The following TENM3 variants were observed in gnomAD, a reference collection of about 807,000 sequenced individuals.
The protein encoded by TENM3 is teneurin transmembrane protein 3, also known as teneurin-3.
TENM3 carries 63 observed loss-of-function variants against 255.1 expected under a neutral mutation model. That is an observed-to-expected ratio of 0.25 (90% CI 0.20 to 0.30). The LOEUF is 0.30. Among genes scored for constraint, TENM3 ranks in the 10% least tolerant of loss-of-function variants. The pLI is 1.00. For synonymous variants in TENM3, 1,306 were observed against 1,322.3 expected (o/e 0.99, Z 0.27); for missense variants, 2,929 against 3,461.1 (o/e 0.85, Z 3.86).
chr4:181,522,602 T>G, the TENM3 span: 1 of 470,206 alleles, frequency 2.1e-6, no homozygotes, highest in African/African-American at 2.0e-5. Flanking sequence ...GATAGACAAA[T>G]CCAGCATCTA....
chr4:181,648,705 C>T, the TENM3 span, among the ~76,000 whole-genome samples: 2 of 152,256 alleles, frequency 1.3e-5, no homozygotes, highest in South Asian at 4.2e-4. Flanking sequence ...GTACTAGCCA[C>T]CCAAGAGAAT....
intron 3 of TENM3, among the ~76,000 whole-genome samples, chr4:182,544,568 T>C (rs1340008093): frequency 1.3e-5 from 2 of 151,914 alleles, no homozygotes; most frequent in African/African-American, 4.8e-5. Context: ...TGACCTCAGG[T>C]GAGGATTACA....
chr4:181,781,701 T>G, the TENM3 span, among the ~76,000 whole-genome samples: 1 of 152,206 alleles, frequency 6.6e-6, no homozygotes, highest in Non-Finnish European at 1.5e-5. Context: ...TGTGCCAGTT[T>G]TCAAAGGGAC....
the TENM3 span, among the ~76,000 whole-genome samples, chr4:181,618,702 G>C: frequency 6.6e-6 from 1 of 152,200 alleles, no homozygotes; most frequent in Non-Finnish European, 1.5e-5. Flanking sequence ...GTGTAATAAA[G>C]TGGTCTTTGG....
intron 12 of TENM3, among the ~76,000 whole-genome samples, chr4:182,710,247 ACTTT>A (rs1311593201): frequency 2.6e-5 from 4 of 152,284 alleles, no homozygotes; most frequent in South Asian, 2.1e-4. Flanking sequence ...TTTCGATGGC[ACTTT>A]CTTTATGTTC....
intron 1 of TENM3, among the ~76,000 whole-genome samples, chr4:182,170,509 G>A (rs1752035294): frequency 6.6e-6 from 1 of 152,044 alleles, no homozygotes; most frequent in Non-Finnish European, 1.5e-5. Context: ...CCTTTTACTT[G>A]AAATAAATAT....
At chr4:181,762,948 T>C in the TENM3 span, among the ~76,000 whole-genome samples, 4 of 152,236 alleles carry the variant, frequency 2.6e-5, no homozygotes, top group Middle Eastern at 3.4e-3. Context: ...TACATATTTA[T>C]TAGCAATATA....
chr4:182,648,834 T>G (rs1752998698), intron 5 of TENM3, among the ~76,000 whole-genome samples: 1 of 152,184 alleles, frequency 6.6e-6, no homozygotes, highest in African/African-American at 2.4e-5. Context: ...CCCTTTTTTG[T>G]GTGTGACTGC....
the TENM3 span, among the ~76,000 whole-genome samples, chr4:182,022,544 A>T: frequency 1.3e-5 from 2 of 152,044 alleles, no homozygotes; most frequent in Non-Finnish European, 2.9e-5. Flanking sequence ...AAAAAAAAAA[A>T]AAATCCAAAA....
At chr4:182,002,969 AC>A in the TENM3 span, among the ~76,000 whole-genome samples, 1 of 152,040 alleles carries the variant, frequency 6.6e-6, no homozygotes, top group Non-Finnish European at 1.5e-5. Flanking sequence ...ATGCCAACTA[AC>A]TTGTATATAA....
the TENM3 span, among the ~76,000 whole-genome samples, chr4:181,717,642 A>G: frequency 3.3e-5 from 5 of 152,220 alleles, no homozygotes; most frequent in African/African-American, 1.2e-4. Context: ...GAATAGCTGT[A>G]GGGAATAGCA....
At chr4:181,513,100 A>C in the TENM3 span, among the ~76,000 whole-genome samples, 18,446 of 152,184 alleles carry the variant, frequency 0.12, 1,190 homozygotes, top group East Asian at 0.26. Flanking sequence ...GTTTACAAAA[A>C]GTTGTCTATA....
the TENM3 span, among the ~76,000 whole-genome samples, chr4:181,562,325 T>G: frequency 6.6e-6 from 1 of 152,226 alleles, no homozygotes; most frequent in Admixed American, 6.5e-5. Context: ...CATTTTAATT[T>G]CTTTTAATTT....
At chr4:182,655,333 C>T (rs139813214) in intron 6 of TENM3, among the ~76,000 whole-genome samples, 19 of 152,124 alleles carry the variant, frequency 1.2e-4, no homozygotes, top group Non-Finnish European at 2.2e-4. Flanking sequence ...AAGAGACAAA[C>T]GCTTATTATG....
chr4:181,992,422 A>G, the TENM3 span, among the ~76,000 whole-genome samples: 1 of 152,216 alleles, frequency 6.6e-6, no homozygotes, highest in African/African-American at 2.4e-5. Flanking sequence ...AATGCAAATC[A>G]CACTAACAGC....
chr4:182,448,868 AGGCGGCGGT>A (rs1158901216), intron 3 of TENM3: 3 of 191,060 alleles, frequency 1.6e-5, no homozygotes, highest in Admixed American at 6.2e-5. Flanking sequence ...GGCTGGCGGG[AGGCGGCGGT>A]GGCGGCCCGG....
intron 1 of TENM3, among the ~76,000 whole-genome samples, chr4:182,161,906 C>CACACATATATGTGTGTATATAT (rs1561154259): frequency 8.7e-5 from 1 of 11,490 alleles, no homozygotes; most frequent in Non-Finnish European, 1.6e-4. Context: ...TGTATATATA[C>CACACATATATGTGTGTATATAT]ACACACATGT....
At chr4:182,716,772 A>G (rs994160063) in intron 13 of TENM3, among the ~76,000 whole-genome samples, 3 of 152,176 alleles carry the variant, frequency 2.0e-5, no homozygotes, top group African/African-American at 7.2e-5. Context: ...TTAGGACTAG[A>G]CTGGATTTTA....
intron 3 of TENM3, among the ~76,000 whole-genome samples, chr4:182,348,416 T>A (rs10003840): frequency 0.98 from 149,163 of 152,280 alleles, 73,144 homozygotes; most frequent in Middle Eastern, 1. Flanking sequence ...CCAGCTGTAC[T>A]TCACATAGCA....
Sources: allele counts gnomAD v4.1 joint callset (sites outside exome capture counted in the v4.1 genomes callset), GRCh38; gene constraint gnomAD v4.1.1; transcripts MANE v1.5; gene names NCBI Gene and HGNC (gene_info 2026-07-23, HGNC 2026-07-21).